Variants in CHRNA7 observed in about 807,000 individuals in gnomAD.
CHRNA7 encodes the protein cholinergic receptor nicotinic alpha 7 subunit.
Under a neutral mutation model 48.0 loss-of-function variants are expected in CHRNA7, and 17 were observed. The ratio of observed to expected loss-of-function variants is 0.35; its 90% CI spans 0.24 to 0.53. CHRNA7 has a LOEUF of 0.53. CHRNA7 is among the 20% of genes least tolerant of loss of function. The probability of loss-of-function intolerance (pLI) is 0.92; values close to 1 mark genes in which losing one functional copy is unlikely to be tolerated. For synonymous variants in CHRNA7, 75 were observed against 242.3 expected (o/e 0.31, Z 6.41); for missense variants, 155 against 577.7 (o/e 0.27, Z 7.50).
intron 3 of CHRNA7, among the ~76,000 whole-genome samples, chr15:32,110,763 G>A (rs1005008811): frequency 6.6e-6 from 1 of 152,142 alleles, no homozygotes; most frequent in Non-Finnish European, 1.5e-5. Flanking sequence ...TGTGAATTGA[G>A]GCATTTATTT....
In CHRNA7 at chr15:32,149,613, G is replaced by C. The variant is rs1252300834; in HGVS notation, c.351-4294G>C. On this transcript the variant is annotated intron_variant, in intron 4 of 9. Coordinates refer to ENST00000306901, the MANE Select transcript of CHRNA7 (RefSeq NM_000746.6). The surrounding 1 kb of genome is among the most constrained non-coding windows in gnomAD (Gnocchi z 4.6). ...GTACTTATAAAATCAATTTGCCTATGGGAAAGAAGCGTAAAACTACCATCA... is the reference window on the plus strand; with the variant it reads ...GTACTTATAAAATCAATTTGCCTATCGGAAAGAAGCGTAAAACTACCATCA... Among the ~76,000 whole-genome samples, 1 of 152,126 alleles carries C rather than the reference G, an allele frequency of 6.6e-6. No homozygotes were observed. Among genetic ancestry groups the C allele is most frequent in the African/African-American group, 2.4e-5 (1 of 41,404 alleles).
intron 2 of CHRNA7, among the ~76,000 whole-genome samples, chr15:32,089,308 G>A (rs990742567): frequency 2.7e-5 from 4 of 147,232 alleles, no homozygotes; most frequent in African/African-American, 9.9e-5. Flanking sequence ...TGGATAATCT[G>A]TTTTTTTTTT....
chr15:32,162,291 G>A (rs2051924183), intron 8 of CHRNA7: 1 of 152,136 alleles, frequency 6.6e-6, no homozygotes, highest in Admixed American at 6.5e-5. Flanking sequence ...GGTTGGGAGA[G>A]GGGACAGAGC....
chr15:32,107,827 C>T (rs911139137), intron 3 of CHRNA7, among the ~76,000 whole-genome samples: 2 of 152,062 alleles, frequency 1.3e-5, no homozygotes, highest in African/African-American at 4.8e-5. Context: ...TTACTCCAGT[C>T]ACTAGGTGAC....
chr15:32,052,093 G>C (rs1038404617), intron 2 of CHRNA7, among the ~76,000 whole-genome samples: 1 of 152,122 alleles, frequency 6.6e-6, no homozygotes, highest in Admixed American at 6.5e-5. Flanking sequence ...GCTCTGGAAA[G>C]GTGGCCTCAA....
At chr15:32,139,651 C>G (rs1350448582) in intron 4 of CHRNA7, among the ~76,000 whole-genome samples, 1 of 151,468 alleles carries the variant, frequency 6.6e-6, no homozygotes, top group African/African-American at 2.4e-5. Context: ...TTTGCCATCT[C>G]TATATTGTCT....
chr15:32,141,530 G>A (rs1439660868), intron 4 of CHRNA7, among the ~76,000 whole-genome samples: 3 of 152,282 alleles, frequency 2.0e-5, no homozygotes, highest in Non-Finnish European at 4.4e-5. Flanking sequence ...CCATTTTCAC[G>A]ATATTGATTC....
intron 2 of CHRNA7, among the ~76,000 whole-genome samples, chr15:32,086,817 G>A (rs2050304794): frequency 6.6e-6 from 1 of 152,030 alleles, no homozygotes; most frequent in Non-Finnish European, 1.5e-5. Flanking sequence ...TTAGAATGGA[G>A]TAATGTGTTT....
intron 2 of CHRNA7, chr15:32,100,481 C>A (rs2050551356): frequency 6.5e-6 from 1 of 154,100 alleles, no homozygotes; most frequent in African/African-American, 2.4e-5. Flanking sequence ...TTGGAAAGGC[C>A]AGTCTTGACG....
At chr15:32,099,090 G>T (rs957399600) in intron 2 of CHRNA7, 2 of 152,208 alleles carry the variant, frequency 1.3e-5, no homozygotes. Context: ...TTGATCCTTT[G>T]GGCAGTGCAG....
intron 2 of CHRNA7, among the ~76,000 whole-genome samples, chr15:32,034,748 T>C (rs1226727748): frequency 2.6e-5 from 4 of 152,246 alleles, no homozygotes. Flanking sequence ...TGAAAAAACT[T>C]TGCATACATT....
Position 32,157,407 on chromosome 15 carries a change from G to A in CHRNA7, c.431-201G>A, listed in dbSNP as rs56075501. On this transcript the variant is annotated intron_variant, in intron 5 of 9. Coordinates refer to ENST00000306901, the MANE Select transcript of CHRNA7 (RefSeq NM_000746.6). ...CTTTGAGAGAGCATGTCAGTGTTAC[G>A]TTTGGATTTTAAAAGACAGTGAAGC... 9 of 384,266 alleles carry A rather than the reference G, an allele frequency of 2.3e-5. 1 individual carries two copies. Among genetic ancestry groups the A allele is most frequent in the African/African-American group, 1.4e-4 (4 of 28,786 alleles). 23.8% of individuals were successfully genotyped at this position (384,266 alleles called of 1,614,324 possible). A position where few individuals can be genotyped will look rare whatever the true frequency, so the allele number is the denominator to read the frequency against.
At chr15:32,132,753 CT>C (rs1433349702) in intron 4 of CHRNA7, among the ~76,000 whole-genome samples, 1 of 152,186 alleles carries the variant, frequency 6.6e-6, no homozygotes, top group Non-Finnish European at 1.5e-5. Context: ...GGCTCTACCC[CT>C]GTGACCTGAT....
Position 32,140,605 on chromosome 15 carries a change from T to C in CHRNA7, c.351-13302T>C, listed in dbSNP as rs187027976. On this transcript the variant is annotated intron_variant, in intron 4 of 9. Coordinates refer to ENST00000306901, the MANE Select transcript of CHRNA7 (RefSeq NM_000746.6). ...CTGTTGTTTCCTGACTTTTTAATGA[T>C]TGCCATTCTAACTGGTGTGAGAGAG... Among the ~76,000 whole-genome samples the C allele has an allele frequency of 2.0e-4, 30 of 152,326 alleles. No homozygotes were observed. The East Asian group carries it at 5.8e-3, about 29-fold the overall frequency.
At chr15:32,051,460 G>A (rs529424639) in intron 2 of CHRNA7, among the ~76,000 whole-genome samples, 13 of 151,804 alleles carry the variant, frequency 8.6e-5, no homozygotes, top group African/African-American at 1.4e-4. Context: ...AGCCATGTGC[G>A]GGATATAATC....
intron 2 of CHRNA7, among the ~76,000 whole-genome samples, chr15:32,089,900 T>C (rs2141244360): frequency 6.6e-6 from 1 of 152,336 alleles, no homozygotes; most frequent in African/African-American, 2.4e-5. Context: ...TTCAGGTTCT[T>C]CTAGTGTTCC....
chr15:32,086,865 A>G (rs2050306108), intron 2 of CHRNA7, among the ~76,000 whole-genome samples: 1 of 152,196 alleles, frequency 6.6e-6, no homozygotes, highest in Non-Finnish European at 1.5e-5. Flanking sequence ...ATGTTATCAT[A>G]TCATATCCAG....
rs570865655 is a variant in CHRNA7 at position 32,038,779 on chromosome 15, A to G, written c.195+7742A>G. On this transcript the variant is annotated intron_variant, in intron 2 of 9. Transcript: ENST00000306901. ...TTTGTATTAGGGTAATGCAGGCCTC[A>G]TAGAATGTTTTAGGAAGTATTTCCT... Among the ~76,000 whole-genome samples, 61 of 152,334 alleles carry G rather than the reference A, an allele frequency of 4.0e-4. 1 individual carries two copies. Among genetic ancestry groups the G allele is most frequent in the African/African-American group, 1.3e-3 (56 of 41,586 alleles).
chr15:32,052,123 GCTCC>G (rs2049696259), intron 2 of CHRNA7, among the ~76,000 whole-genome samples: 1 of 151,962 alleles, frequency 6.6e-6, no homozygotes, highest in Non-Finnish European at 1.5e-5. Context: ...TTCTCTCAGG[GCTCC>G]CCTCTCTTCC....
Sources: gnomAD v4.1 joint callset for allele counts (sites outside exome capture counted in the v4.1 genomes callset) on GRCh38, gnomAD v4.1.1 for gene constraint, Gnocchi (gnomAD v3.1) non-coding constraint, MANE v1.5 for transcripts, NCBI Gene and HGNC (gene_info 2026-07-23, HGNC 2026-07-21) for gene names.